Variants in MAGI2 observed in about 807,000 individuals in gnomAD.
MAGI2 encodes membrane associated guanylate kinase, WW and PDZ domain containing 2.
A neutral mutation model predicts 133.3 loss-of-function variants in MAGI2; 35 were observed. That is an observed-to-expected ratio of 0.26 (90% confidence interval 0.20 to 0.35). The LOEUF is 0.35. MAGI2 is among the 10% of genes least tolerant of loss of function. The probability of loss-of-function intolerance (pLI) is 1.00; values close to 1 mark genes in which losing one functional copy is unlikely to be tolerated. For missense variants in MAGI2, 1,636 were observed against 1,863.4 expected, an observed-to-expected ratio of 0.88 and a Z score of 2.25; for synonymous variants, 729 against 710.6, an observed-to-expected ratio of 1.03 and a Z score of -0.41.
intron 1 of MAGI2, chr7:79,125,765 T>A: frequency 1.9e-6 from 1 of 519,888 alleles, no homozygotes; most frequent in South Asian, 1.4e-5. Flanking sequence ...AAAATCAAGA[T>A]GGCTGGGGTG....
intron 2 of MAGI2, among the ~76,000 whole-genome samples, chr7:78,657,877 G>A (rs12673114): frequency 0.27 from 41,758 of 151,940 alleles, 6,106 homozygotes; most frequent in Admixed American, 0.32. Flanking sequence ...CGTTAATCAT[G>A]GTGGAGGGCT....
At chr7:78,299,554 G>T (rs903541349) in intron 9 of MAGI2, among the ~76,000 whole-genome samples, 4 of 152,140 alleles carry the variant, frequency 2.6e-5, no homozygotes, top group African/African-American at 9.7e-5. Context: ...ATATGCCAGT[G>T]GGTGTGTTAT....
At chr7:78,551,609 A>G (rs1473860503) in intron 3 of MAGI2, among the ~76,000 whole-genome samples, 1 of 152,228 alleles carries the variant, frequency 6.6e-6, no homozygotes, top group African/African-American at 2.4e-5. Flanking sequence ...TTCTGAGGAG[A>G]CTGTCCTAAG....
At chr7:79,007,670 G>A (rs1258612840) in intron 1 of MAGI2, among the ~76,000 whole-genome samples, 1 of 151,850 alleles carries the variant, frequency 6.6e-6, no homozygotes, top group Non-Finnish European at 1.5e-5. Context: ...TTTGTGACTG[G>A]CTTATTTTAC....
chr7:78,382,625 G>A (rs958833807), intron 6 of MAGI2, among the ~76,000 whole-genome samples: 1 of 151,894 alleles, frequency 6.6e-6, no homozygotes, highest in Non-Finnish European at 1.5e-5. Context: ...ATCAAGTCAG[G>A]GTATTAGGGT....
chr7:79,086,658 C>T (rs369888627), intron 1 of MAGI2, among the ~76,000 whole-genome samples: 8 of 151,686 alleles, frequency 5.3e-5, no homozygotes, highest in Non-Finnish European at 8.8e-5. Flanking sequence ...AATGTGATCT[C>T]GCTTTCTTAT....
At chr7:79,321,537 G>A (rs1424284975) in intron 1 of MAGI2, among the ~76,000 whole-genome samples, 2 of 152,114 alleles carry the variant, frequency 1.3e-5, no homozygotes, top group African/African-American at 4.8e-5. Context: ...GGACAAAAAG[G>A]CAGTGCTTCC....
At chr7:78,924,006 G>T (rs1799483005) in intron 2 of MAGI2, among the ~76,000 whole-genome samples, 1 of 152,018 alleles carries the variant, frequency 6.6e-6, no homozygotes, top group Non-Finnish European at 1.5e-5. Flanking sequence ...GTCTGTTATT[G>T]GTGTATAAGA....
At chr7:79,319,267 T>C (rs1460100208) in intron 1 of MAGI2, among the ~76,000 whole-genome samples, 1 of 152,164 alleles carries the variant, frequency 6.6e-6, no homozygotes, top group Admixed American at 6.6e-5. Flanking sequence ...CACATACAAA[T>C]GCTTGAGTGA....
chr7:79,253,868 T>G (rs1833499760), intron 1 of MAGI2, among the ~76,000 whole-genome samples: 2 of 152,202 alleles, frequency 1.3e-5, no homozygotes, highest in Admixed American at 1.3e-4. Context: ...CACAATAGAA[T>G]AATGTACACA....
chr7:78,531,205 TA>T (rs1227321834), intron 3 of MAGI2, among the ~76,000 whole-genome samples: 1 of 150,854 alleles, frequency 6.6e-6, no homozygotes, highest in Non-Finnish European at 1.5e-5. Flanking sequence ...TTAATGTAAT[TA>T]TTAATTAAGT....
At chr7:79,074,647 A>T (rs1329554505) in intron 1 of MAGI2, among the ~76,000 whole-genome samples, 1 of 152,228 alleles carries the variant, frequency 6.6e-6, no homozygotes, top group Non-Finnish European at 1.5e-5. Context: ...TTGTCAACTG[A>T]AGCATGAAAA....
chr7:79,437,837 T>G (rs1016249433), intron 1 of MAGI2, among the ~76,000 whole-genome samples: 2 of 152,162 alleles, frequency 1.3e-5, no homozygotes, highest in African/African-American at 4.8e-5. Flanking sequence ...TTATCTTTAG[T>G]GTTTATAAGT....
chr7:79,178,412 A>G lies in MAGI2; in HGVS notation c.302-171206T>C, dbSNP rs79351981. Among the ~76,000 whole-genome samples, 1,126 of 152,072 alleles carry G rather than the reference A, an allele frequency of 7.4e-3. 31 individuals are homozygous for G. Among genetic ancestry groups the G allele is most frequent in the African/African-American group, 0.026 (1,069 of 41,392 alleles). On this transcript the variant is annotated intron_variant, in intron 1 of 21. Transcript: ENST00000354212. Reference sequence around the variant, plus strand: ...AAGAGTGGAAAATAGGTTTATATAAATGTAAACATATTAATATTAAGAATC... The same window carrying G: ...AAGAGTGGAAAATAGGTTTATATAAGTGTAAACATATTAATATTAAGAATC...
At chr7:78,439,713 A>G (rs1459646390) in intron 6 of MAGI2, among the ~76,000 whole-genome samples, 1 of 152,144 alleles carries the variant, frequency 6.6e-6, no homozygotes, top group Non-Finnish European at 1.5e-5. Context: ...TTAGAACTCT[A>G]TTTCTCACTG....
At chr7:78,130,789 A>G (rs1821487845) in intron 18 of MAGI2, among the ~76,000 whole-genome samples, 1 of 152,212 alleles carries the variant, frequency 6.6e-6, no homozygotes, top group African/African-American at 2.4e-5. Flanking sequence ...GGTGACTTAT[A>G]AACATTTGGA....
At chr7:78,266,223 G>C (rs545125800) in intron 9 of MAGI2, among the ~76,000 whole-genome samples, 1 of 152,244 alleles carries the variant, frequency 6.6e-6, no homozygotes, top group African/African-American at 2.4e-5. Flanking sequence ...GTTTATTTGA[G>C]ACAAGGTTTC....
At chr7:78,737,610 T>C (rs1177668813) in intron 2 of MAGI2, among the ~76,000 whole-genome samples, 1 of 152,158 alleles carries the variant, frequency 6.6e-6, no homozygotes, top group Non-Finnish European at 1.5e-5. Flanking sequence ...AGACTGAATG[T>C]AGAAAGAGAT....
At chr7:78,924,025 G>A (rs1799485269) in intron 2 of MAGI2, among the ~76,000 whole-genome samples, 1 of 152,140 alleles carries the variant, frequency 6.6e-6, no homozygotes, top group African/African-American at 2.4e-5. Flanking sequence ...GAATGCTTGT[G>A]ATTTTTGTAT....
Sources: gnomAD v4.1 joint callset for allele counts (sites outside exome capture counted in the v4.1 genomes callset) on GRCh38, gnomAD v4.1.1 for gene constraint, MANE v1.5 for transcripts, NCBI Gene and HGNC (gene_info 2026-07-23, HGNC 2026-07-21) for gene names.